Variants in FIBP observed in about 807,000 individuals in gnomAD.
FIBP encodes acidic fibroblast growth factor intracellular-binding protein.
In FIBP, 29 loss-of-function variants were observed where a neutral mutation model predicts 40.5. That is an observed-to-expected ratio of 0.72 (90% CI 0.53 to 0.98). The LOEUF (loss-of-function observed/expected upper bound fraction) is 0.98. Ranked by LOEUF, FIBP falls within the 50% of genes least tolerant of loss-of-function variation. The pLI is 0.00. For synonymous variants in FIBP, 215 were observed against 191.1 expected, an observed-to-expected ratio of 1.13 and a Z score of -1.03; for missense variants, 411 against 470.2, an observed-to-expected ratio of 0.87 and a Z score of 1.16.
At position 65,888,200 on chromosome 11, in the gene FIBP, C is replaced by T. The variant is rs1159095075; in HGVS notation, c.86-68G>A. 3 of 1,497,328 alleles carry T rather than the reference C, an allele frequency of 2.0e-6. No individual in the cohort carries two copies. The South Asian group carries it at 3.7e-5, about 18-fold the overall frequency. 92.8% of individuals were successfully genotyped at this position (1,497,328 alleles called of 1,614,324 possible). A position where few individuals can be genotyped will look rare whatever the true frequency, so the allele number is the denominator to read the frequency against. On this transcript the variant is annotated intron_variant, in intron 1 of 9. Transcript: ENST00000357519. ...CAGAGGCCCTTAAGGGTTTCCATCC[C>T]AGACCCCTATAACACCTCTTATTCC... is the stretch of plus-strand genomic sequence containing the variant.
chr11:65,886,084 T>C, intron 4 of FIBP: 2 of 490,032 alleles, frequency 4.1e-6, no homozygotes, highest in South Asian at 5.1e-5. Context: ...GCAGAATTGC[T>C]TGAACCAGGA....
intron 4 of FIBP, chr11:65,886,107 A>C: frequency 2.0e-6 from 1 of 510,342 alleles, no homozygotes; most frequent in East Asian, 3.3e-5. Context: ...CAGAGGTTGC[A>C]GTGAGCCAAG....
rs560814040 is a variant in FIBP at position 65,888,167 on chromosome 11, G to A, written c.86-35C>T. ...GGACGCTAGCATCAGGCCCCGCCCCGCCGACGCCAGAGGCCCTTAAGGGTT... is the reference window on the plus strand; with the variant it reads ...GGACGCTAGCATCAGGCCCCGCCCCACCGACGCCAGAGGCCCTTAAGGGTT... On this transcript the variant is annotated intron_variant, in intron 1 of 9. Transcript: ENST00000357519. 27 of 1,531,540 alleles carry A rather than the reference G, an allele frequency of 1.8e-5. 1 individual carries two copies. In the South Asian group the frequency reaches 2.8e-4, roughly 16 times the overall value. 94.9% of individuals were successfully genotyped at this position (1,531,540 alleles called of 1,614,324 possible). A position where few individuals can be genotyped will look rare whatever the true frequency, so the allele number is the denominator to read the frequency against.
intron 3 of FIBP, chr11:65,886,807 A>G (rs1489633147): frequency 5.9e-6 from 1 of 170,048 alleles, no homozygotes; most frequent in African/African-American, 2.4e-5. Context: ...ATACAAAAGA[A>G]AGGCATCAAA....
In FIBP at chr11:65,884,038, T is replaced by C. The variant is rs1273611512; in HGVS notation, c.1010A>G (p.Gln337Arg). ...SVHSLDGFRH[Q>R]ALWDRYMGTL... ...GCCCATGTAGCGGTCCCAGAGGGCC[T>C]GGTGTCTGTAAGAACATGAACAGTG... The change falls in exon 10 of 10, where the codon CAG becomes CGG. Residue 337 changes from glutamine to arginine, a missense_variant. Transcript: ENST00000357519. The C allele has an allele frequency of 5.0e-6, 8 of 1,613,370 alleles. No individual in the cohort carries two copies. In the South Asian group the frequency reaches 8.8e-5, roughly 18 times the overall value.
At chr11:65,886,031 G>A (rs1168864402) in intron 4 of FIBP, 1 of 462,534 alleles carries the variant, frequency 2.2e-6, no homozygotes, top group East Asian at 3.9e-5. Flanking sequence ...CAAGCTGGGT[G>A]CGGTGGCTCA....
rs1565280564 is a variant in FIBP, at chr11:65,884,958, A to AC, written c.795_796insG (p.Ser266ValfsTer2). On this transcript the variant is annotated frameshift_variant, in exon 7 of 10. Transcript: ENST00000357519. LOFTEE classifies it high-confidence loss of function. The stretch of plus-strand genomic sequence containing the variant: ...ACCTTGAAGTTGGCTTCCATCTCAG[A>AC]GAAGACGCCCAGCTTTCCCCGGAGA... 5 of 1,614,148 alleles carry AC rather than the reference A, an allele frequency of 3.1e-6. No individual in the cohort carries two copies. The highest frequency in any genetic ancestry group is 4.2e-6 in the Non-Finnish European group (5 of 1,180,026).
chr11:65,888,353 G>C lies in FIBP; in HGVS notation c.66C>G (p.Leu22=), dbSNP rs1392410096. The C allele has an allele frequency of 3.9e-6, 6 of 1,558,124 alleles. No individual in the cohort carries two copies. Among genetic ancestry groups the C allele is most frequent in the Non-Finnish European group, 5.2e-6 (6 of 1,150,678 alleles). ...TTLIDEDVYR[L]WLDGYSVTDA... ...ACGGACCCGAGTAACCATCGAGCCA[G>C]AGGCGATACACGTCCTCGTCGATAA... is the stretch of plus-strand genomic sequence containing the variant. The change falls in exon 1 of 10, where the codon CTC becomes CTG. Residue 22 remains leucine, a synonymous_variant. Transcript: ENST00000357519.
At chr11:65,884,889 G>A (rs1384345869) in intron 7 of FIBP, 46 bp downstream of exon 7, 2 of 1,590,054 alleles carry the variant, frequency 1.3e-6, no homozygotes, top group Admixed American at 1.7e-5. Flanking sequence ...GTGGCGAACT[G>A]GAGGCTGAAG....
At chr11:65,886,685 C>T (rs978236371) in intron 3 of FIBP, 4 of 399,644 alleles carry the variant, frequency 1.0e-5, no homozygotes, top group African/African-American at 8.1e-5. Context: ...ATTTTAGCAC[C>T]ATGCTCTCCA....
intron 2 of FIBP, 21 bp downstream of exon 2, chr11:65,887,913 A>C (rs1389113950): frequency 1.2e-6 from 2 of 1,610,392 alleles, no homozygotes; most frequent in Non-Finnish European, 8.5e-7. Context: ...TGATGTCTCC[A>C]CCATCCCAGA....
At chr11:65,884,679 G>T in intron 7 of FIBP, 23 bp from the exon 8 acceptor site, 1 of 1,611,604 alleles carries the variant, frequency 6.2e-7, no homozygotes, top group South Asian at 1.1e-5. Context: ...GATCCTTGGA[G>T]CTCTGCTTTC....
Position 65,883,796 on chromosome 11 carries a change from G to A in FIBP, c.*178C>T, listed in dbSNP as rs1489522208. The A allele has an allele frequency of 9.5e-6, 7 of 737,950 alleles. No homozygotes were observed. The highest frequency in any genetic ancestry group is 2.3e-5 in the Admixed American group (1 of 43,078). 45.7% of individuals were successfully genotyped at this position (737,950 alleles called of 1,614,324 possible). A position where few individuals can be genotyped will look rare whatever the true frequency, so the allele number is the denominator to read the frequency against. Reference sequence around the variant, plus strand: ...GCTGAGCACAGACACCATTCCCTGAGATATGTCTCAGTTCCCAAGGAGCCA... The same window carrying A: ...GCTGAGCACAGACACCATTCCCTGAAATATGTCTCAGTTCCCAAGGAGCCA... On this transcript the variant is annotated 3_prime_UTR_variant, in exon 10 of 10. Coordinates refer to ENST00000357519, the MANE Select transcript of FIBP (RefSeq NM_004214.5).
rs772431200 is a variant in FIBP at position 65,884,481 on chromosome 11, T to C, written c.915A>G (p.Glu305=). The change falls in exon 9 of 10, where the codon GAA becomes GAG. Residue 305 remains glutamate (E), a synonymous_variant. Transcript: ENST00000357519. ...LFVDLVEKFV[E]PCRSDHWPLS... is the part of the protein sequence containing the mutation. ...GTGGCCAGTGGTCGGAGCGGCAGGGTTCCACAAACTGCGGGCCCAAGAGAA... is the reference window on the plus strand; with the variant it reads ...GTGGCCAGTGGTCGGAGCGGCAGGGCTCCACAAACTGCGGGCCCAAGAGAA... 3.7e-6 allele frequency: 6 copies of C among 1,612,572 alleles called. No individual in the cohort carries two copies. The highest frequency in any genetic ancestry group is 5.1e-6 in the Non-Finnish European group (6 of 1,179,708).
chr11:65,887,518 A>AGAG, intron 3 of FIBP, 82 bp downstream of exon 3: 2 of 1,468,418 alleles, frequency 1.4e-6, no homozygotes, highest in Non-Finnish European at 1.9e-6. Context: ...TGCCACAATC[A>AGAG]GAGGCTGGAA....
intron 3 of FIBP, 184 bp from the exon 4 acceptor site, chr11:65,886,606 G>A: frequency 5.4e-6 from 3 of 556,368 alleles, no homozygotes; most frequent in Non-Finnish European, 9.7e-6. Context: ...CAAATCAAAT[G>A]CTTAGCAACT....
chr11:65,887,217 C>T (rs577894806), intron 3 of FIBP: 1 of 354,122 alleles, frequency 2.8e-6, no homozygotes, highest in Non-Finnish European at 5.5e-6. Flanking sequence ...GAGGCCGAGG[C>T]GGATGATCAC....
At chr11:65,885,286 A>G in intron 5 of FIBP, 100 bp from the exon 6 acceptor site, 1 of 1,075,184 alleles carries the variant, frequency 9.3e-7, no homozygotes, top group Non-Finnish European at 1.4e-6. Context: ...CCTGGGGACA[A>G]AAGAGGAAAT....
At chr11:65,886,297 G>T in intron 4 of FIBP, 25 bp downstream of exon 4, 2 of 1,524,096 alleles carry the variant, frequency 1.3e-6, no homozygotes, top group East Asian at 2.3e-5. Flanking sequence ...TAGTGTGCGG[G>T]ATGGGGAGGT....
Sources: allele counts gnomAD v4.1 joint callset, GRCh38; gene constraint gnomAD v4.1.1; transcripts MANE v1.5; gene names NCBI Gene and HGNC (gene_info 2026-07-23, HGNC 2026-07-21).